NRXN1: variants seen among roughly 807,000 people sequenced by gnomAD.
NRXN1 encodes the protein neurexin 1.
NRXN1 carries 39 observed loss-of-function variants against 150.9 expected under a neutral mutation model. That is an observed-to-expected ratio of 0.26 (90% confidence interval 0.20 to 0.34). The LOEUF (loss-of-function observed/expected upper bound fraction) is 0.34, where lower values mean the gene tolerates loss of function less well. NRXN1 is among the 10% of genes least tolerant of loss of function. NRXN1 has a pLI of 1.00. For missense variants in NRXN1, 1,815 were observed against 1,949.9 expected (o/e 0.93, Z 1.30); for synonymous variants, 924 against 757.0 (o/e 1.22, Z -3.62).
intron 18 of NRXN1, among the ~76,000 whole-genome samples, chr2:50,210,730 A>G (rs1368077924): frequency 2.0e-5 from 3 of 151,670 alleles, no homozygotes; most frequent in Non-Finnish European, 4.4e-5. Context: ...AATACATTTT[A>G]AAGCAGTAGT....
At chr2:50,501,860 C>T (rs1017070997) in intron 13 of NRXN1, among the ~76,000 whole-genome samples, 1 of 152,082 alleles carries the variant, frequency 6.6e-6, no homozygotes, top group Middle Eastern at 3.2e-3. Flanking sequence ...ATGTACTGCC[C>T]TGTGTTCAAC....
At chr2:50,638,108 C>T (rs1308617161) in intron 5 of NRXN1, among the ~76,000 whole-genome samples, 1 of 152,040 alleles carries the variant, frequency 6.6e-6, no homozygotes, top group East Asian at 1.9e-4. Context: ...CTCTGGTGCA[C>T]AGGCGAAGTT....
At chr2:50,569,580 G>A (rs1243404109) in intron 8 of NRXN1, among the ~76,000 whole-genome samples, 5 of 151,930 alleles carry the variant, frequency 3.3e-5, no homozygotes, top group African/African-American at 9.6e-5. Flanking sequence ...ATGATGACTC[G>A]CCATTGAAAT....
intron 17 of NRXN1, among the ~76,000 whole-genome samples, chr2:50,420,962 CTGTGTGTGTG>C (rs4032055): frequency 0.061 from 7,289 of 119,938 alleles, 420 homozygotes; most frequent in African/African-American, 0.16. Flanking sequence ...CAAAATAGAC[CTGTGTGTGTG>C]TGTGTGTGTG....
At chr2:50,149,816 T>C (rs1381008961) in intron 18 of NRXN1, among the ~76,000 whole-genome samples, 2 of 151,580 alleles carry the variant, frequency 1.3e-5, no homozygotes, top group South Asian at 2.1e-4. Context: ...AAAAAAGCAG[T>C]AGTTCTGACT....
intron 12 of NRXN1, among the ~76,000 whole-genome samples, chr2:50,521,373 T>C (rs1235863841): frequency 6.6e-6 from 1 of 152,132 alleles, no homozygotes; most frequent in Non-Finnish European, 1.5e-5. Flanking sequence ...ATTTCCACAA[T>C]TGTATGAATG....
intron 5 of NRXN1, among the ~76,000 whole-genome samples, chr2:50,865,620 G>T (rs1676782033): frequency 7.6e-6 from 1 of 130,830 alleles, no homozygotes; most frequent in Non-Finnish European, 1.6e-5. Context: ...GTGTGTAGTA[G>T]CACCTGGCAC....
chr2:50,617,097 T>A, intron 8 of NRXN1, among the ~76,000 whole-genome samples: 1 of 152,262 alleles, frequency 6.6e-6, no homozygotes, highest in Non-Finnish European at 1.5e-5. Flanking sequence ...GCCTTCTAAA[T>A]AGATAATGGT....
At chr2:50,465,045 G>A (rs2088671677) in intron 17 of NRXN1, among the ~76,000 whole-genome samples, 1 of 151,738 alleles carries the variant, frequency 6.6e-6, no homozygotes, top group African/African-American at 2.4e-5. Context: ...AGAGAAAAAT[G>A]AGACCTGTAA....
At chr2:50,111,418 G>A (rs1364854179) in intron 18 of NRXN1, among the ~76,000 whole-genome samples, 2 of 152,116 alleles carry the variant, frequency 1.3e-5, no homozygotes, top group Admixed American at 6.5e-5. Context: ...GAGGCGGGCA[G>A]ATCACTTGAG....
In NRXN1 at chr2:49,961,588, T is replaced by C. The variant is rs141871527; in HGVS notation, c.4129-17797A>G. Among the ~76,000 whole-genome samples the C allele has an allele frequency of 9.8e-5, 15 of 152,328 alleles. 1 individual carries two copies. The highest frequency in any genetic ancestry group is 3.6e-4 in the African/African-American group (15 of 41,570). ...CCTAACAAGAATCTGCATTGAATTCTCATTTATTTTAAACAAAAATAGATT... is the reference window on the plus strand; with the variant it reads ...CCTAACAAGAATCTGCATTGAATTCCCATTTATTTTAAACAAAAATAGATT... On this transcript the variant is annotated intron_variant, in intron 21 of 22. Transcript: ENST00000401669.
intron 5 of NRXN1, among the ~76,000 whole-genome samples, chr2:50,713,181 G>A (rs1031803228): frequency 1.3e-5 from 2 of 151,906 alleles, no homozygotes; most frequent in Non-Finnish European, 2.9e-5. Context: ...AGGCGTGGTG[G>A]CGCATGCCTG....
chr2:50,094,826 T>A (rs182236119), intron 18 of NRXN1, among the ~76,000 whole-genome samples: 162 of 151,766 alleles, frequency 1.1e-3, no homozygotes, highest in African/African-American at 3.7e-3. Flanking sequence ...GAGGTGGGAA[T>A]CCTAAATGAC....
intron 5 of NRXN1, among the ~76,000 whole-genome samples, chr2:50,643,645 G>C (rs962826295): frequency 2.0e-5 from 3 of 151,790 alleles, no homozygotes; most frequent in Admixed American, 1.3e-4. Context: ...TTCCGATACT[G>C]TTAAGTATTG....
chr2:49,963,794 ATC>A (rs1558593722), intron 21 of NRXN1, among the ~76,000 whole-genome samples: 4 of 152,224 alleles, frequency 2.6e-5, no homozygotes, highest in African/African-American at 2.4e-5. Flanking sequence ...TAAATGACGA[ATC>A]TCTTTCAGAA....
intron 5 of NRXN1, among the ~76,000 whole-genome samples, chr2:50,738,809 C>T (rs2105256172): frequency 6.6e-6 from 1 of 152,234 alleles, no homozygotes; most frequent in East Asian, 1.9e-4. Context: ...CTCACAATCA[C>T]GATGTTAAAA....
chr2:50,918,081 A>C (rs1288899975), intron 5 of NRXN1: 1 of 151,620 alleles, frequency 6.6e-6, no homozygotes, highest in African/African-American at 2.4e-5. Flanking sequence ...GTTTTGAGAA[A>C]AATCTATCTT....
Position 50,355,754 on chromosome 2 carries a change from A to G in NRXN1, c.3364+109688T>C, listed in dbSNP as rs187686347. ...GTAGAATATTACAAATACCTAAAAA[A>G]AGAGTGAGGATATGTAACAGTGTAT... is the stretch of plus-strand genomic sequence containing the variant. On this transcript the variant is annotated intron_variant, in intron 17 of 22. Coordinates refer to ENST00000401669, the MANE Select transcript of NRXN1 (RefSeq NM_001330078.2). Among the ~76,000 whole-genome samples, 13 of 152,310 alleles carry G rather than the reference A, an allele frequency of 8.5e-5. No homozygotes were observed. In the East Asian group the frequency reaches 2.3e-3, roughly 27 times the overall value.
intron 17 of NRXN1, among the ~76,000 whole-genome samples, chr2:50,273,788 C>T (rs2152925259): frequency 6.6e-6 from 1 of 152,210 alleles, no homozygotes; most frequent in African/African-American, 2.4e-5. Context: ...CTCATCATCA[C>T]TGCTTATTAG....
Sources: gnomAD v4.1 joint callset for allele counts (sites outside exome capture counted in the v4.1 genomes callset) on GRCh38, gnomAD v4.1.1 for gene constraint, MANE v1.5 for transcripts, NCBI Gene and HGNC (gene_info 2026-07-23, HGNC 2026-07-21) for gene names.